MAVS: variants seen among roughly 807,000 people sequenced by gnomAD.
The protein encoded by MAVS is mitochondrial antiviral signaling protein.
Under a neutral mutation model 30.2 loss-of-function variants are expected in MAVS, and 20 were observed. That is an observed-to-expected ratio of 0.66 (90% CI 0.47 to 0.96). The LOEUF (loss-of-function observed/expected upper bound fraction) is 0.96, where lower values mean the gene tolerates loss of function less well. Ranked by LOEUF, MAVS falls within the 40% of genes least tolerant of loss-of-function variation. The pLI, the probability that MAVS is intolerant of heterozygous loss-of-function variation, is 0.00. For synonymous variants in MAVS, 278 were observed against 293.9 expected (o/e 0.95, Z 0.55); for missense variants, 624 against 701.1 (o/e 0.89, Z 1.24).
At chr20:3,853,402 C>T (rs1220004698) in intron 1 of MAVS, among the ~76,000 whole-genome samples, 1 of 150,660 alleles carries the variant, frequency 6.6e-6, no homozygotes, top group African/African-American at 2.4e-5. Context: ...AGGAGAATGG[C>T]GTGAACCCGA....
chr20:3,857,830 C>G, intron 3 of MAVS, 21 bp downstream of exon 3: 1 of 1,613,810 alleles, frequency 6.2e-7, no homozygotes, highest in Non-Finnish European at 8.5e-7. Context: ...TGCCCTTGCC[C>G]TCCTGGACCC....
chr20:3,858,414 T>G (rs1022632111), intron 3 of MAVS, among the ~76,000 whole-genome samples: 4 of 152,122 alleles, frequency 2.6e-5, no homozygotes, highest in Non-Finnish European at 5.9e-5. Flanking sequence ...GCGCGGTGTT[T>G]CACACCTGTA....
chr20:3,865,751 T>C lies in MAVS; in HGVS notation c.1227T>C (p.Ser409=). The C allele has an allele frequency of 6.2e-7, 1 of 1,613,378 alleles. No homozygotes were observed. The highest frequency in any genetic ancestry group is 8.5e-7 in the Non-Finnish European group (1 of 1,179,890). ...GGSSAWLDSS[S]ENRGLGSELS... ...GCTCAGCCTGGCTAGACAGCAGCTC[T>C]GAGAATAGGGGCCTTGGGTCGGAGC... is the stretch of plus-strand genomic sequence containing the variant. Residue 409 remains serine (S), a synonymous_variant, in exon 7 of 7, where the codon TCT becomes TCC. Transcript: ENST00000428216. This position sits in a 1 kb window ranked among gnomAD's most constrained non-coding sequence, Gnocchi z 4.7.
rs7262903 is a variant in MAVS at position 3,862,380 on chromosome 20, C to A, written c.592C>A (p.Gln198Lys). ...TCTGACCTCCAGCGGGCATCAGGAG[C>A]AGGACACAGAACTGGGCAGTACCCA... is the stretch of plus-strand genomic sequence containing the variant. ...SPLTSSGHQE[Q>K]DTELGSTHTA... Residue 198 changes from glutamine to lysine, a missense_variant, in exon 5 of 7, where the codon CAG (glutamine) becomes AAG (lysine). Physicochemically the swap from Gln to Lys is moderately conservative, Grantham distance 53. Transcript: ENST00000428216. 0.15 allele frequency: 247,709 copies of A among 1,613,710 alleles called. 19,824 individuals carry two copies. The highest frequency in any genetic ancestry group is 0.2 in the Middle Eastern group (1,230 of 6,062).
chr20:3,854,879 C>A, intron 2 of MAVS, 138 bp downstream of exon 2: 1 of 495,740 alleles, frequency 2.0e-6, no homozygotes, highest in Non-Finnish European at 3.5e-6. Flanking sequence ...GCTCCTTGTC[C>A]TTGCTGCTTT....
Position 3,874,685 on chromosome 20 carries a change from T to G in MAVS, c.*8538T>G, listed in dbSNP as rs2089978575. 1 of 154,682 alleles carries G rather than the reference T, an allele frequency of 6.5e-6. No homozygotes were observed. Among genetic ancestry groups the G allele is most frequent in the African/African-American group, 2.4e-5 (1 of 41,512 alleles). 9.6% of individuals were successfully genotyped at this position (154,682 alleles called of 1,614,324 possible). A position where few individuals can be genotyped will look rare whatever the true frequency, so the allele number is the denominator to read the frequency against. On this transcript the variant is annotated 3_prime_UTR_variant, in exon 7 of 7. Transcript: ENST00000428216. ...GGGAAGAAGCTGGCAGCCACTAAGT[T>G]CAGACTGTTCTGGGTCCGATTGCTG... is the stretch of plus-strand genomic sequence containing the variant.
At chr20:3,850,691 C>T (rs1294921653) in intron 1 of MAVS, among the ~76,000 whole-genome samples, 3 of 151,082 alleles carry the variant, frequency 2.0e-5, no homozygotes, top group Admixed American at 2.0e-4. Context: ...TTGAGACCAT[C>T]CTGGCTAACA....
intron 2 of MAVS, among the ~76,000 whole-genome samples, chr20:3,857,338 A>C (rs1398619404): frequency 6.6e-6 from 1 of 152,162 alleles, no homozygotes; most frequent in Non-Finnish European, 1.5e-5. Context: ...CAGTTTCCTC[A>C]TTAGTAAAGT....
chr20:3,858,089 G>A (rs998730495), intron 3 of MAVS, among the ~76,000 whole-genome samples: 1 of 152,144 alleles, frequency 6.6e-6, no homozygotes, highest in Non-Finnish European at 1.5e-5. Context: ...ACTGCGGGAC[G>A]ATGCGTGTTG....
chr20:3,867,098 C>T lies in MAVS; in HGVS notation c.*951C>T, dbSNP rs1338366973. On this transcript the variant is annotated 3_prime_UTR_variant, in exon 7 of 7. Transcript: ENST00000428216. ...CACTGCTTCTCCCATCTCTCTCCTGCCCAACCTGGTAGAGCTGAGGGCATG... is the reference window on the plus strand; with the variant it reads ...CACTGCTTCTCCCATCTCTCTCCTGTCCAACCTGGTAGAGCTGAGGGCATG... 2.2e-6 allele frequency: 1 copy of T among 456,388 alleles called. No individual in the cohort carries two copies. The highest frequency in any genetic ancestry group is 4.4e-6 in the Non-Finnish European group (1 of 226,836). The allele number at this position is 456,388 out of a possible 1,614,324, so 28.3% of individuals were successfully genotyped here.
chr20:3,855,351 T>C (rs1046120177), intron 2 of MAVS, among the ~76,000 whole-genome samples: 3 of 152,162 alleles, frequency 2.0e-5, no homozygotes, highest in African/African-American at 7.2e-5. Flanking sequence ...ACCTCCTATT[T>C]CCTTCATCTC....
In MAVS at chr20:3,874,203, T is replaced by C. The variant is rs2089974958; in HGVS notation, c.*8056T>C. 7.5e-6 allele frequency: 3 copies of C among 398,654 alleles called. No homozygotes were observed. Among genetic ancestry groups the C allele is most frequent in the Non-Finnish European group, 1.3e-5 (3 of 226,084 alleles). The allele number at this position is 398,654 out of a possible 1,614,324, so 24.7% of individuals were successfully genotyped here. On this transcript the variant is annotated 3_prime_UTR_variant, in exon 7 of 7. Coordinates refer to ENST00000428216, the MANE Select transcript of MAVS (RefSeq NM_020746.5). ...AGAGAGAATTCATTGTATGATTCTCTTCCTACAAAAAGTACAGAAATAAGC... is the reference window on the plus strand; with the variant it reads ...AGAGAGAATTCATTGTATGATTCTCCTCCTACAAAAAGTACAGAAATAAGC...
intron 1 of MAVS, among the ~76,000 whole-genome samples, chr20:3,847,620 G>A (rs1244582332): frequency 6.6e-6 from 1 of 152,228 alleles, no homozygotes; most frequent in African/African-American, 2.4e-5. Context: ...AGGACAGCCA[G>A]CGACCTGGGA....
chr20:3,853,303 C>G (rs202110935), intron 1 of MAVS, among the ~76,000 whole-genome samples: 121 of 150,402 alleles, frequency 8.0e-4, no homozygotes, highest in Middle Eastern at 6.8e-3. Context: ...TGGCTAACCC[C>G]GTGAAACCCC....
rs191823780 is a variant in MAVS, at chr20:3,873,739, T to A, written c.*7592T>A. Reference sequence around the variant, plus strand: ...ATCTGCTGGCACCTTGATCTTGGACTTCCCAGCCTCTAGAACTGTGAGAAA... The same window carrying A: ...ATCTGCTGGCACCTTGATCTTGGACATCCCAGCCTCTAGAACTGTGAGAAA... On this transcript the variant is annotated 3_prime_UTR_variant, in exon 7 of 7. Coordinates refer to ENST00000428216, the MANE Select transcript of MAVS (RefSeq NM_020746.5). 256 of 168,812 alleles carry A rather than the reference T, an allele frequency of 1.5e-3. 2 individuals carry two copies. The highest frequency in any genetic ancestry group is 5.8e-3 in the African/African-American group (244 of 42,192). 10.5% of individuals were successfully genotyped at this position (168,812 alleles called of 1,614,324 possible).
In MAVS at chr20:3,865,012, C is replaced by T. The variant is rs2089895786; in HGVS notation, c.1158+224C>T. Among the ~76,000 whole-genome samples the T allele has an allele frequency of 1.3e-5, 2 of 152,248 alleles. No homozygotes were observed. The highest frequency in any genetic ancestry group is 2.9e-5 in the Non-Finnish European group (2 of 68,042). The stretch of plus-strand genomic sequence containing the variant: ...TCATTGAGCTTCTAAGTCTGGACAC[C>T]TCAGGAGGGTCAGCCACAGGGGGCA... On this transcript the variant is annotated intron_variant, in intron 6 of 6. Transcript: ENST00000428216. This position sits in a 1 kb window ranked among gnomAD's most constrained non-coding sequence, Gnocchi z 4.7.
intron 1 of MAVS, among the ~76,000 whole-genome samples, chr20:3,853,231 A>C (rs944456153): frequency 6.7e-6 from 1 of 149,200 alleles, no homozygotes; most frequent in East Asian, 2.0e-4. Flanking sequence ...TCACGCCTGT[A>C]ATCCCAGCAC....
chr20:3,848,509 C>T (rs1239725804), intron 1 of MAVS, among the ~76,000 whole-genome samples: 1 of 152,204 alleles, frequency 6.6e-6, no homozygotes, highest in Non-Finnish European at 1.5e-5. Context: ...TAGTACTTGC[C>T]CCACGAGGAA....
At position 3,876,031 on chromosome 20, in the gene MAVS, T is replaced by G. The variant is rs2274826; in HGVS notation, c.*9884T>G. The G allele has an allele frequency of 4.6e-5, 7 of 152,416 alleles. No individual in the cohort carries two copies. The highest frequency in any genetic ancestry group is 2.6e-4 in the Admixed American group (4 of 15,296). 9.4% of individuals were successfully genotyped at this position (152,416 alleles called of 1,614,324 possible). ...TGGTGAAAGAATTACTTTAATTTTT[T>G]TTCCTACTTGCTGTCATGATGATGT... is the stretch of plus-strand genomic sequence containing the variant. On this transcript the variant is annotated 3_prime_UTR_variant, in exon 7 of 7. Coordinates refer to ENST00000428216, the MANE Select transcript of MAVS (RefSeq NM_020746.5).
Sources: gnomAD v4.1 joint callset for allele counts (sites outside exome capture counted in the v4.1 genomes callset) on GRCh38, gnomAD v4.1.1 for gene constraint, Gnocchi (gnomAD v3.1) non-coding constraint, MANE v1.5 for transcripts, NCBI Gene and HGNC (gene_info 2026-07-23, HGNC 2026-07-21) for gene names.